The following SMC4 variants were observed in gnomAD, a reference collection of about 807,000 sequenced individuals.
The protein encoded by SMC4 is structural maintenance of chromosomes 4, also known as structural maintenance of chromosomes protein 4.
A neutral mutation model predicts 145.6 loss-of-function variants in SMC4; 87 were observed. The observed-to-expected ratio is 0.60, with a 90% CI of 0.50 to 0.71. The LOEUF (loss-of-function observed/expected upper bound fraction) is 0.71, where lower values mean the gene tolerates loss of function less well. Among genes scored for constraint, SMC4 ranks in the 30% least tolerant of loss-of-function variants. The probability of loss-of-function intolerance (pLI) is 0.00; values close to 1 mark genes in which losing one functional copy is unlikely to be tolerated. For missense variants in SMC4, 1,447 were observed against 1,537.1 expected (o/e 0.94, Z 0.98); for synonymous variants, 558 against 500.7 (o/e 1.11, Z -1.53).
At position 160,423,851 on chromosome 3, in the gene SMC4, C is replaced by T; in HGVS notation, c.2325+11C>T. The T allele has an allele frequency of 1.9e-6, 3 of 1,577,156 alleles. No individual in the cohort carries two copies. Among genetic ancestry groups the T allele is most frequent in the Non-Finnish European group, 8.6e-7 (1 of 1,160,154 alleles). On this transcript the variant is annotated intron_variant, in intron 15 of 23. Transcript: ENST00000357388. ...ATCTCTGAAGAAGAGGTCAGCATAT[C>T]TAAAATTGTATCCAGACTTTTTTTT...
chr3:160,419,797 A>G (rs887684094), intron 12 of SMC4, among the ~76,000 whole-genome samples: 1 of 152,108 alleles, frequency 6.6e-6, no homozygotes, highest in Non-Finnish European at 1.5e-5. Context: ...AAACCATTTT[A>G]TCCTTTTTTT....
Position 160,427,000 on chromosome 3 carries a change from G to A in SMC4, c.2605+800G>A, listed in dbSNP as rs544350248. Among the ~76,000 whole-genome samples the A allele has an allele frequency of 3.1e-4, 47 of 152,306 alleles. 1 individual carries two copies. The highest frequency in any genetic ancestry group is 2.1e-4 in the South Asian group (1 of 4,832). On this transcript the variant is annotated intron_variant, in intron 17 of 23. Transcript: ENST00000357388. ...AAGAACTAATGAGAGTGGAGTTGGAGCGATTATCCAACTGCTCCAAAAATG... is the reference window on the plus strand; with the variant it reads ...AAGAACTAATGAGAGTGGAGTTGGAACGATTATCCAACTGCTCCAAAAATG...
chr3:160,433,139 T>A lies in SMC4; in HGVS notation c.3644T>A (p.Leu1215His). The A allele has an allele frequency of 2.5e-6, 4 of 1,613,786 alleles. No individual in the cohort carries two copies. Among genetic ancestry groups the A allele is most frequent in the Non-Finnish European group, 3.4e-6 (4 of 1,179,764 alleles). ...CTTCACCACTACAAGCCCACTCCCCTTTACTTCATGGATGAGATTGATGCA... is the reference window on the plus strand; with the variant it reads ...CTTCACCACTACAAGCCCACTCCCCATTACTTCATGGATGAGATTGATGCA... Reference protein sequence around the residue: ...FALHHYKPTPLYFMDEIDAAL... With the variant: ...FALHHYKPTPHYFMDEIDAAL... The change falls in exon 23 of 24, where the codon CTT (leucine) becomes CAT (histidine). Residue 1215 changes from leucine to histidine, a missense_variant. Physicochemically the swap from Leu to His is moderately conservative, Grantham distance 99. Transcript: ENST00000357388.
intron 8 of SMC4, 132 bp from the exon 9 acceptor site, chr3:160,414,235 A>G: frequency 1.3e-6 from 1 of 756,070 alleles, no homozygotes; most frequent in Non-Finnish European, 2.3e-6. Context: ...ATCTTGGAAT[A>G]AGGAGAGTTT....
chr3:160,432,223 A>T, intron 21 of SMC4, 60 bp from the exon 22 acceptor site: 1 of 1,235,068 alleles, frequency 8.1e-7, no homozygotes, highest in Non-Finnish European at 1.2e-6. Flanking sequence ...ATAATTAACA[A>T]TGCTAATTAT....
chr3:160,413,633 T>C lies in SMC4; in HGVS notation c.1121+20T>C, dbSNP rs1576957748. On this transcript the variant is annotated intron_variant, in intron 8 of 23. Coordinates refer to ENST00000357388, the MANE Select transcript of SMC4 (RefSeq NM_001002800.3). ...AGAAAAGTAATAATATTTTGGGAAG[T>C]ACTAAAAGTATTTAGATAATTGTAT... 1 of 1,231,940 alleles carries C rather than the reference T, an allele frequency of 8.1e-7. No individual in the cohort carries two copies. Among genetic ancestry groups the C allele is most frequent in the Non-Finnish European group, 1.1e-6 (1 of 881,332 alleles). 76.3% of individuals were successfully genotyped at this position (1,231,940 alleles called of 1,614,324 possible).
At chr3:160,410,735 T>C (rs562088069) in intron 5 of SMC4, among the ~76,000 whole-genome samples, 48 of 152,316 alleles carry the variant, frequency 3.2e-4, no homozygotes, top group Non-Finnish European at 4.4e-4. Context: ...GTTTACTTTT[T>C]GTAATTATGT....
chr3:160,411,683 TTATC>T (rs1293422343), intron 5 of SMC4: 6 of 329,574 alleles, frequency 1.8e-5, no homozygotes, highest in Non-Finnish European at 3.3e-5. Flanking sequence ...TTATAAGGAT[TTATC>T]TAAGGGAATA....
At position 160,416,347 on chromosome 3, in the gene SMC4, GA is replaced by G; in HGVS notation, c.1377del (p.Lys459AsnfsTer2). ...NALEKEKEKE[E>X]KKLKEVMDSL... is the part of the protein sequence containing the mutation. ...CCTCGAGAAGGAAAAAGAGAAAGAAGAAAAAAAATTAAAGGAAGTTATGGAT... is the reference window on the plus strand; with the variant it reads ...CCTCGAGAAGGAAAAAGAGAAAGAAGAAAAAAATTAAAGGAAGTTATGGAT... On this transcript the variant is annotated frameshift_variant, in exon 10 of 24. Coordinates refer to ENST00000357388, the MANE Select transcript of SMC4 (RefSeq NM_001002800.3). LOFTEE classifies it high-confidence loss of function. 4 of 1,579,734 alleles carry G rather than the reference GA, an allele frequency of 2.5e-6. No individual in the cohort carries two copies. The highest frequency in any genetic ancestry group is 1.7e-4 in the Middle Eastern group (1 of 5,842).
Position 160,420,783 on chromosome 3 carries a change from C to G in SMC4, c.1901C>G (p.Ser634Ter). 6.2e-7 allele frequency: 1 copy of G among 1,613,858 alleles called. No individual in the cohort carries two copies. Among genetic ancestry groups the G allele is most frequent in the Non-Finnish European group, 8.5e-7 (1 of 1,179,936 alleles). Residue 634 changes from serine to a stop codon, truncating the protein, a stop_gained, in exon 13 of 24, where the codon TCA (serine) becomes TGA (stop). Coordinates refer to ENST00000357388, the MANE Select transcript of SMC4 (RefSeq NM_001002800.3). LOFTEE classifies it high-confidence loss of function. ...AIDEKYDVAI[S>*]SCCHALDYIV... ...GATGAAAAATACGACGTGGCTATATCATCCTGTTGTCATGCACTGGACTAC... is the reference window on the plus strand; with the variant it reads ...GATGAAAAATACGACGTGGCTATATGATCCTGTTGTCATGCACTGGACTAC...
At chr3:160,413,217 C>T (rs1716210028) in intron 7 of SMC4, among the ~76,000 whole-genome samples, 1 of 151,914 alleles carries the variant, frequency 6.6e-6, no homozygotes, top group Non-Finnish European at 1.5e-5. Context: ...CTTCTGAGTT[C>T]AGGCAGTCTG....
chr3:160,423,103 G>T (rs1717356409), intron 13 of SMC4, among the ~76,000 whole-genome samples: 1 of 151,970 alleles, frequency 6.6e-6, no homozygotes, highest in Non-Finnish European at 1.5e-5. Context: ...ACTGTTCTGG[G>T]TCCCTATAAT....
At chr3:160,414,740 G>A (rs1296545417) in intron 9 of SMC4, among the ~76,000 whole-genome samples, 1 of 152,006 alleles carries the variant, frequency 6.6e-6, no homozygotes, top group Non-Finnish European at 1.5e-5. Flanking sequence ...TGCAGAGATG[G>A]GGTCTCAGTC....
intron 13 of SMC4, among the ~76,000 whole-genome samples, chr3:160,421,208 C>T (rs142422932): frequency 2.0e-5 from 3 of 151,714 alleles, no homozygotes; most frequent in African/African-American, 7.2e-5. Flanking sequence ...GGATTACAGG[C>T]GTGAGCCACC....
In SMC4 at chr3:160,430,744, G is replaced by A; in HGVS notation, c.2940+1G>A. On this transcript the variant is annotated splice_donor_variant, in intron 19 of 23. Transcript: ENST00000357388. LOFTEE classifies it high-confidence loss of function. ...CGTAAAGAATACAAATGCTGCAGAG[G>A]TATGAGTTGCTTTGTATTGAAGAGG... is the stretch of plus-strand genomic sequence containing the variant. 1 of 1,608,340 alleles carries A rather than the reference G, an allele frequency of 6.2e-7. No homozygotes were observed. Among genetic ancestry groups the A allele is most frequent in the Non-Finnish European group, 8.5e-7 (1 of 1,178,318 alleles).
At chr3:160,431,935 C>T in intron 21 of SMC4, 110 bp downstream of exon 21, 5 of 1,140,312 alleles carry the variant, frequency 4.4e-6, no homozygotes, top group Non-Finnish European at 5.0e-6. Context: ...GGCGTGGTGG[C>T]TCACGCCTGT....
chr3:160,405,236 G>A (rs778040308), intron 5 of SMC4, among the ~76,000 whole-genome samples: 2 of 151,582 alleles, frequency 1.3e-5, no homozygotes, highest in Non-Finnish European at 2.9e-5. Flanking sequence ...TTTTCTTTAA[G>A]TAAAAGTATA....
intron 13 of SMC4, among the ~76,000 whole-genome samples, chr3:160,421,867 TAGAC>T (rs1316089466): frequency 1.3e-5 from 2 of 152,188 alleles, no homozygotes; most frequent in African/African-American, 4.8e-5. Context: ...AGAAACCCCA[TAGAC>T]AGTAACAGTC....
chr3:160,414,755 G>A (rs562788466), intron 9 of SMC4, among the ~76,000 whole-genome samples: 2 of 152,244 alleles, frequency 1.3e-5, no homozygotes, highest in African/African-American at 2.4e-5. Context: ...TCAGTCTGTT[G>A]TCCAGGCTAG....
Sources: allele counts gnomAD v4.1 joint callset (sites outside exome capture counted in the v4.1 genomes callset), GRCh38; gene constraint gnomAD v4.1.1; transcripts MANE v1.5; gene names NCBI Gene and HGNC (gene_info 2026-07-23, HGNC 2026-07-21).